Variants in CAPN5 observed in about 807,000 individuals in gnomAD.
The protein encoded by CAPN5 is calpain-5.
In CAPN5, 54 loss-of-function variants were observed where a neutral mutation model predicts 73.0. The observed-to-expected ratio is 0.74, with a 90% confidence interval of 0.59 to 0.93. CAPN5 has a LOEUF of 0.93. CAPN5 is among the 40% of genes least tolerant of loss of function. CAPN5 has a pLI of 0.00. For missense variants in CAPN5, 785 were observed against 882.9 expected (o/e 0.89, Z 1.41); for synonymous variants, 335 against 356.9 (o/e 0.94, Z 0.69).
chr11:77,072,987 T>G, intron 1 of CAPN5: 1 of 838,876 alleles, frequency 1.2e-6, no homozygotes, highest in Non-Finnish European at 1.7e-6. Flanking sequence ...TCCCATTTTG[T>G]TAGGTTGTCT....
At chr11:77,086,714 A>T (rs750599063) in intron 2 of CAPN5, among the ~76,000 whole-genome samples, 42 of 151,848 alleles carry the variant, frequency 2.8e-4, no homozygotes, top group Non-Finnish European at 5.6e-4. Context: ...CCCTCCTCCC[A>T]CTCCATCCCC....
chr11:77,122,809 C>G, intron 12 of CAPN5, 97 bp downstream of exon 12: 2 of 1,492,052 alleles, frequency 1.3e-6, no homozygotes, highest in Non-Finnish European at 1.8e-6. Context: ...CTGACGAGGA[C>G]CCAGGCATGC....
intron 1 of CAPN5, among the ~76,000 whole-genome samples, chr11:77,075,506 C>G (rs147258611): frequency 6.6e-6 from 1 of 152,158 alleles, no homozygotes; most frequent in Non-Finnish European, 1.5e-5. Flanking sequence ...GGCTAGTGCT[C>G]GGACCCAGCC....
At chr11:77,099,646 T>C (rs1244713304) in intron 3 of CAPN5, among the ~76,000 whole-genome samples, 1 of 150,620 alleles carries the variant, frequency 6.6e-6, no homozygotes, top group African/African-American at 2.4e-5. Context: ...GCAGGGAGGT[T>C]GCAGTGAGCC....
intron 1 of CAPN5, among the ~76,000 whole-genome samples, chr11:77,083,394 G>A (rs534701030): frequency 6.6e-4 from 101 of 152,276 alleles, no homozygotes; most frequent in African/African-American, 2.2e-3. Context: ...GCTCAGCCAC[G>A]GTGTGTGGGG....
Position 77,114,401 on chromosome 11 carries a change from C to T in CAPN5, c.666C>T (p.His222=), listed in dbSNP as rs782744037. ...NQLFERMLKV[H]SRGGLISASI... ...TCTTTGAGCGCATGTTAAAGGTGCA[C>T]AGCCGGGGCGGCCTCATCAGTGCCT... The change falls in exon 5 of 13, where the codon CAC becomes CAT. Residue 222 remains histidine, a synonymous_variant. Coordinates refer to ENST00000648180, the MANE Select transcript of CAPN5 (RefSeq NM_004055.5). 6.2e-6 allele frequency: 10 copies of T among 1,614,078 alleles called. No individual in the cohort carries two copies. In the African/African-American group the frequency reaches 1.2e-4, roughly 19 times the overall value.
intron 1 of CAPN5, among the ~76,000 whole-genome samples, chr11:77,075,868 G>T (rs1555033837): frequency 6.6e-6 from 1 of 152,078 alleles, no homozygotes. Flanking sequence ...AGATAGCCAA[G>T]TCCTGCTTTC....
At chr11:77,104,098 T>C (rs1005563311) in intron 3 of CAPN5, among the ~76,000 whole-genome samples, 18 of 152,232 alleles carry the variant, frequency 1.2e-4, no homozygotes, top group Admixed American at 3.3e-4. Flanking sequence ...AAGTGCAGTT[T>C]TAGATTATCT....
chr11:77,084,226 G>C (rs1950057688), intron 1 of CAPN5, among the ~76,000 whole-genome samples: 1 of 144,884 alleles, frequency 6.9e-6, no homozygotes, highest in African/African-American at 2.5e-5. Flanking sequence ...CAAAGTTCAG[G>C]GTGCTTGGCT....
intron 1 of CAPN5, among the ~76,000 whole-genome samples, chr11:77,072,534 C>A (rs1949919104): frequency 6.6e-6 from 1 of 152,162 alleles, no homozygotes; most frequent in South Asian, 2.1e-4. Flanking sequence ...TGGGTCACTG[C>A]CCGAGGGAGG....
rs60495000 is a variant in CAPN5 at position 77,088,106 on chromosome 11, C to T, written c.165+3055C>T. The T allele has an allele frequency of 1.9e-3, 2,861 of 1,500,562 alleles. 58 individuals are homozygous for T. The African/African-American group carries it at 0.035, about 18-fold the overall frequency. The allele number at this position is 1,500,562 out of a possible 1,614,324, so 93.0% of individuals were successfully genotyped here. ...CCTGTGGGGGCAACATCCCCTCATCCAGCATGCTGTCTCTCCCACATCTGG... is the reference window on the plus strand; with the variant it reads ...CCTGTGGGGGCAACATCCCCTCATCTAGCATGCTGTCTCTCCCACATCTGG... On this transcript the variant is annotated intron_variant, in intron 2 of 12. Transcript: ENST00000648180.
intron 1 of CAPN5, chr11:77,071,490 C>A: frequency 2.7e-6 from 1 of 376,632 alleles, no homozygotes. Context: ...GGGGGTGGGG[C>A]TGGGGAGTCC....
At chr11:77,102,829 G>A in intron 3 of CAPN5, 2 of 1,563,094 alleles carry the variant, frequency 1.3e-6, no homozygotes, top group Non-Finnish European at 1.7e-6. Context: ...GGTGGCAGCA[G>A]CACTTGGGCC....
At chr11:77,086,132 C>T (rs1216580557) in intron 2 of CAPN5, among the ~76,000 whole-genome samples, 1 of 152,162 alleles carries the variant, frequency 6.6e-6, no homozygotes. Context: ...CCAAGATGCT[C>T]GACCTTGCTC....
At chr11:77,096,950 C>T (rs551247275) in intron 3 of CAPN5, among the ~76,000 whole-genome samples, 40 of 152,132 alleles carry the variant, frequency 2.6e-4, no homozygotes, top group Non-Finnish European at 3.2e-4. Context: ...CAGCCAGGCG[C>T]GGTGGCTCAC....
chr11:77,114,888 T>C (rs1289048547), intron 5 of CAPN5, among the ~76,000 whole-genome samples: 1 of 152,118 alleles, frequency 6.6e-6, no homozygotes, highest in Non-Finnish European at 1.5e-5. Flanking sequence ...CTACCCACAT[T>C]TAACAACCAG....
At chr11:77,111,632 C>A (rs548202807) in intron 3 of CAPN5, among the ~76,000 whole-genome samples, 1 of 152,340 alleles carries the variant, frequency 6.6e-6, no homozygotes, top group South Asian at 2.1e-4. Flanking sequence ...TAAACATACT[C>A]TCTGGGTCAG....
rs1443055982 is a variant in CAPN5, at chr11:77,112,760, G to A, written c.469G>A (p.Glu157Lys). The A allele has an allele frequency of 1.2e-6, 2 of 1,614,136 alleles. No homozygotes were observed. Among genetic ancestry groups the A allele is most frequent in the African/African-American group, 2.7e-5 (2 of 74,950 alleles). The change falls in exon 4 of 13, where the codon GAG (glutamate) becomes AAG (lysine). Residue 157 changes from glutamate (E) to lysine (K), a missense_variant. Transcript: ENST00000648180. ...LIYCHSNSRN[E>K]FWCALVEKAY... is the part of the protein sequence containing the mutation. ...CTACTGCCACTCCAACTCCCGCAAT[G>A]AGTTTTGGTGCGCCCTAGTGGAGAA...
At chr11:77,088,144 A>G in intron 2 of CAPN5, 2 of 1,180,980 alleles carry the variant, frequency 1.7e-6, no homozygotes, top group Non-Finnish European at 1.1e-6. Context: ...ATGAGCCTGG[A>G]GGTCCTTTGG....
Sources: gnomAD v4.1 joint callset for allele counts (sites outside exome capture counted in the v4.1 genomes callset) on GRCh38, gnomAD v4.1.1 for gene constraint, MANE v1.5 for transcripts, NCBI Gene and HGNC (gene_info 2026-07-23, HGNC 2026-07-21) for gene names.